The following PDE4B variants were observed in gnomAD, a reference collection of about 807,000 sequenced individuals.
PDE4B encodes the protein 3',5'-cyclic-AMP phosphodiesterase 4B.
A neutral mutation model predicts 82.2 loss-of-function variants in PDE4B; 20 were observed. That is an observed-to-expected ratio of 0.24 (90% CI 0.17 to 0.35). The LOEUF is 0.35. Ranked by LOEUF, PDE4B falls within the 10% of genes least tolerant of loss-of-function variation. PDE4B has a pLI of 1.00. For synonymous variants in PDE4B, 320 were observed against 318.9 expected (o/e 1.00, Z -0.04); for missense variants, 655 against 907.2 (o/e 0.72, Z 3.57).
chr1:66,162,024 C>T (rs184058347), intron 3 of PDE4B, among the ~76,000 whole-genome samples: 10 of 152,176 alleles, frequency 6.6e-5, no homozygotes, highest in Admixed American at 5.9e-4. Context: ...CCTTAGCACT[C>T]ATCAGTGTAG....
intron 1 of PDE4B, among the ~76,000 whole-genome samples, chr1:65,802,520 G>T (rs1277897686): frequency 1.3e-5 from 2 of 152,136 alleles, no homozygotes; most frequent in East Asian, 1.9e-4. Context: ...GGAATTATGA[G>T]AAATAGTTTG....
intron 3 of PDE4B, among the ~76,000 whole-genome samples, chr1:65,989,515 A>T (rs1651131254): frequency 6.6e-6 from 1 of 152,156 alleles, no homozygotes; most frequent in African/African-American, 2.4e-5. Flanking sequence ...ATAAAATGTA[A>T]TTGAGTTATA....
At chr1:66,066,248 T>G (rs1655839240) in intron 3 of PDE4B, among the ~76,000 whole-genome samples, 1 of 151,818 alleles carries the variant, frequency 6.6e-6, no homozygotes, top group Admixed American at 6.6e-5. Context: ...TTTGTTGCAC[T>G]TAGTAATGAG....
chr1:66,340,202 C>T (rs79672732), intron 8 of PDE4B, among the ~76,000 whole-genome samples: 5,662 of 152,276 alleles, frequency 0.037, 139 homozygotes, highest in Non-Finnish European at 0.055. Context: ...CGTGATGTTT[C>T]CCTCAAGTGG....
At chr1:65,927,243 A>G (rs1209947032) in intron 3 of PDE4B, among the ~76,000 whole-genome samples, 3 of 151,740 alleles carry the variant, frequency 2.0e-5, no homozygotes, top group Non-Finnish European at 2.9e-5. Flanking sequence ...TCTTAACTAT[A>G]TAAAACATAA....
chr1:65,984,705 A>G (rs2100660302), intron 3 of PDE4B, among the ~76,000 whole-genome samples: 1 of 152,276 alleles, frequency 6.6e-6, no homozygotes, highest in South Asian at 2.1e-4. Context: ...CAGTGAGCCG[A>G]GATGGTGCCA....
intron 3 of PDE4B, among the ~76,000 whole-genome samples, chr1:66,159,028 A>C (rs1646557302): frequency 6.6e-6 from 1 of 152,194 alleles, no homozygotes. Context: ...TCTATTACAC[A>C]ATAAGGTGAC....
chr1:66,109,866 G>T (rs1324397015), intron 3 of PDE4B, among the ~76,000 whole-genome samples: 2 of 151,742 alleles, frequency 1.3e-5, no homozygotes, highest in East Asian at 3.9e-4. Flanking sequence ...TAATTTTTTT[G>T]CAGTAGGTAT....
intron 7 of PDE4B, chr1:66,267,441 C>T (rs545547415): frequency 1.3e-4 from 20 of 152,260 alleles, no homozygotes; most frequent in African/African-American, 4.1e-4. Flanking sequence ...TTTCTGTTAG[C>T]CAAATTTACA....
chr1:66,200,402 T>C (rs1233691165), intron 3 of PDE4B, among the ~76,000 whole-genome samples: 1 of 152,172 alleles, frequency 6.6e-6, no homozygotes, highest in Non-Finnish European at 1.5e-5. Context: ...GGTAGCTTGA[T>C]GGGGATGGCA....
At chr1:65,926,609 C>T (rs1266110588) in intron 3 of PDE4B, among the ~76,000 whole-genome samples, 1 of 152,070 alleles carries the variant, frequency 6.6e-6, no homozygotes, top group Non-Finnish European at 1.5e-5. Context: ...GTTTTATCTC[C>T]CTTTCAGAAA....
intron 3 of PDE4B, among the ~76,000 whole-genome samples, chr1:66,183,966 A>G (rs544568142): frequency 2.6e-5 from 4 of 152,274 alleles, no homozygotes; most frequent in African/African-American, 7.2e-5. Flanking sequence ...TCAATAGGTA[A>G]AGATGATGGA....
chr1:66,190,741 C>G (rs994711877), intron 3 of PDE4B, among the ~76,000 whole-genome samples: 1 of 152,156 alleles, frequency 6.6e-6, no homozygotes. Flanking sequence ...TCTGTCACCC[C>G]TTTCTTTGAC....
At chr1:66,009,973 G>C (rs1354285719) in intron 3 of PDE4B, among the ~76,000 whole-genome samples, 1 of 147,494 alleles carries the variant, frequency 6.8e-6, no homozygotes, top group Admixed American at 6.8e-5. Flanking sequence ...TCTAATCTTT[G>C]GTATTGTCTG....
chr1:66,153,520 T>C (rs766402415), intron 3 of PDE4B, among the ~76,000 whole-genome samples: 1 of 152,172 alleles, frequency 6.6e-6, no homozygotes, highest in Non-Finnish European at 1.5e-5. Flanking sequence ...TATTTTAATG[T>C]CTTTGTTCCC....
intron 3 of PDE4B, among the ~76,000 whole-genome samples, chr1:66,006,985 T>C (rs1441274184): frequency 2.0e-5 from 3 of 151,992 alleles, no homozygotes; most frequent in Admixed American, 1.3e-4. Flanking sequence ...AATAATAAAT[T>C]AGCCAGGCAT....
intron 3 of PDE4B, among the ~76,000 whole-genome samples, chr1:66,202,064 T>C (rs1224452972): frequency 6.6e-6 from 1 of 152,194 alleles, no homozygotes; most frequent in Admixed American, 6.5e-5. Flanking sequence ...TCTCATTGGT[T>C]TCAAAGAACA....
chr1:65,871,891 T>C (rs988763578), intron 1 of PDE4B, among the ~76,000 whole-genome samples: 2 of 152,208 alleles, frequency 1.3e-5, no homozygotes, highest in Non-Finnish European at 2.9e-5. Context: ...TTGAATATGA[T>C]TTTCAACTCT....
intron 3 of PDE4B, among the ~76,000 whole-genome samples, chr1:65,928,958 T>C (rs1243148616): frequency 2.0e-5 from 3 of 152,236 alleles, no homozygotes; most frequent in Non-Finnish European, 4.4e-5. Flanking sequence ...CAACTCTGTA[T>C]TCCTTCCACC....
Sources: gnomAD v4.1 joint callset for allele counts (sites outside exome capture counted in the v4.1 genomes callset) on GRCh38, gnomAD v4.1.1 for gene constraint, MANE v1.5 for transcripts, NCBI Gene and HGNC (gene_info 2026-07-23, HGNC 2026-07-21) for gene names.